Variants in MTCL2 observed in about 807,000 individuals in gnomAD.
The protein encoded by MTCL2 is microtubule crosslinking factor 2.
chr20:36,804,823 C>T, the MTCL2 span: 245 of 1,613,972 alleles, frequency 1.5e-4, no homozygotes, highest in African/African-American at 2.5e-3. Context: ...CGTCAGACCA[C>T]GGCGTTCATC....
At chr20:36,813,656 C>G in the MTCL2 span, among the ~76,000 whole-genome samples, 1 of 141,200 alleles carries the variant, frequency 7.1e-6, no homozygotes, top group African/African-American at 2.6e-5. Context: ...ATTGTAATTT[C>G]AGCTACCCGG....
the MTCL2 span, chr20:36,817,362 A>C: frequency 2.0e-6 from 3 of 1,521,774 alleles, no homozygotes; most frequent in African/African-American, 2.8e-5. Context: ...AGTCAGGCTC[A>C]GGTCTTCAGA....
At chr20:36,853,860 C>T in the MTCL2 span, among the ~76,000 whole-genome samples, 1 of 152,162 alleles carries the variant, frequency 6.6e-6, no homozygotes, top group Non-Finnish European at 1.5e-5. Flanking sequence ...ACAGGCCCTA[C>T]GGCCTCTGGG....
the MTCL2 span, among the ~76,000 whole-genome samples, chr20:36,846,454 G>C: frequency 1.3e-5 from 2 of 152,198 alleles, no homozygotes; most frequent in Non-Finnish European, 2.9e-5. Flanking sequence ...GAGGATGGGG[G>C]ACCAGGGCAC....
At chr20:36,863,321 G>A in the MTCL2 span, 3 of 1,179,666 alleles carry the variant, frequency 2.5e-6, no homozygotes, top group Non-Finnish European at 2.1e-6. The surrounding 1 kb of genome is among the most constrained non-coding windows in gnomAD (Gnocchi z 6.2). Context: ...CCCGGACCGG[G>A]GGCTCGGCCG....
At chr20:36,787,504 T>C in the MTCL2 span, among the ~76,000 whole-genome samples, 1 of 152,148 alleles carries the variant, frequency 6.6e-6, no homozygotes, top group Non-Finnish European at 1.5e-5. Flanking sequence ...ATTGCAGGTG[T>C]GAGCCACTGT....
chr20:36,793,759 T>C, the MTCL2 span: 1 of 1,541,572 alleles, frequency 6.5e-7, no homozygotes, highest in Non-Finnish European at 8.7e-7. This position sits in a 1 kb window ranked among gnomAD's most constrained non-coding sequence, Gnocchi z 6.8. Context: ...GGAGCTTTGG[T>C]GAGCCATACT....
chr20:36,808,795 C>T, the MTCL2 span: 1 of 1,491,244 alleles, frequency 6.7e-7, no homozygotes, highest in Non-Finnish European at 9.0e-7. Context: ...CTCTCCCCCA[C>T]CCCTTTCTGG....
At chr20:36,862,483 G>A in the MTCL2 span, among the ~76,000 whole-genome samples, 64,133 of 152,052 alleles carry the variant, frequency 0.42, 14,551 homozygotes, top group Middle Eastern at 0.63. Flanking sequence ...ATAAAGTTGA[G>A]AGGGGGCGGG....
At chr20:36,818,396 G>T in the MTCL2 span, among the ~76,000 whole-genome samples, 1 of 152,224 alleles carries the variant, frequency 6.6e-6, no homozygotes, top group African/African-American at 2.4e-5. Flanking sequence ...AACATAGCAA[G>T]ACCCTGTCTC....
chr20:36,828,764 G>A, the MTCL2 span: 14 of 358,526 alleles, frequency 3.9e-5, no homozygotes, highest in Admixed American at 1.8e-4. Context: ...CTCCCACAGC[G>A]GCTGTGGTTC....
the MTCL2 span, among the ~76,000 whole-genome samples, chr20:36,853,702 GGTGTGTGTGTGTGTGTGTGT>G: frequency 2.8e-5 from 4 of 143,834 alleles, no homozygotes; most frequent in African/African-American, 7.8e-5. Flanking sequence ...ATCAGGGAGG[GGTGTGTGTGTGTGTGTGTGT>G]GTGTGTGTGT....
the MTCL2 span, among the ~76,000 whole-genome samples, chr20:36,827,873 T>C: frequency 6.6e-6 from 1 of 152,162 alleles, no homozygotes; most frequent in Admixed American, 6.5e-5. Context: ...AAGATGGTGC[T>C]CCGTGTTATG....
chr20:36,834,274 C>A, the MTCL2 span, among the ~76,000 whole-genome samples: 1 of 152,120 alleles, frequency 6.6e-6, no homozygotes, highest in African/African-American at 2.4e-5. Flanking sequence ...ATGTCACCCC[C>A]ACTCTACAGA....
the MTCL2 span, among the ~76,000 whole-genome samples, chr20:36,854,766 G>A: frequency 6.6e-6 from 1 of 152,218 alleles, no homozygotes. Context: ...TAGAGGCTGA[G>A]CTTTTCCTTG....
At chr20:36,846,205 CAAA>C in the MTCL2 span, among the ~76,000 whole-genome samples, 7 of 122,406 alleles carry the variant, frequency 5.7e-5, no homozygotes, top group Non-Finnish European at 8.8e-5. Context: ...GACTGTGTCT[CAAA>C]AAAAAAAAAA....
At chr20:36,808,341 G>A in the MTCL2 span, among the ~76,000 whole-genome samples, 1 of 148,088 alleles carries the variant, frequency 6.8e-6, no homozygotes, top group Non-Finnish European at 1.5e-5. Flanking sequence ...GGGCTGGAGT[G>A]AGACTCCATC....
At chr20:36,802,755 C>A in the MTCL2 span, 1 of 1,385,304 alleles carries the variant, frequency 7.2e-7, no homozygotes, top group Admixed American at 2.3e-5. Flanking sequence ...ACTGGATGAG[C>A]ACCTAGATCC....
chr20:36,830,936 C>T, the MTCL2 span, among the ~76,000 whole-genome samples: 1 of 152,192 alleles, frequency 6.6e-6, no homozygotes, highest in Non-Finnish European at 1.5e-5. Flanking sequence ...ATCTAGTTGT[C>T]TGGGATGTAG....
Sources: gnomAD v4.1 joint callset for allele counts (sites outside exome capture counted in the v4.1 genomes callset) on GRCh38, gnomAD v4.1.1 for gene constraint, Gnocchi (gnomAD v3.1) non-coding constraint, MANE v1.5 for transcripts, NCBI Gene and HGNC (gene_info 2026-07-23, HGNC 2026-07-21) for gene names.